Variants in AP3D1 observed in about 807,000 individuals in gnomAD.
The protein encoded by AP3D1 is AP-3 complex subunit delta-1.
In AP3D1, 51 loss-of-function variants were observed where a neutral mutation model predicts 147.6. The ratio of observed to expected loss-of-function variants is 0.35; its 90% confidence interval spans 0.28 to 0.44. The LOEUF (loss-of-function observed/expected upper bound fraction) is 0.44, where lower values mean the gene tolerates loss of function less well. Among genes scored for constraint, AP3D1 ranks in the 20% least tolerant of loss-of-function variants. The pLI is 1.00. For synonymous variants in AP3D1, 760 were observed against 663.0 expected, an observed-to-expected ratio of 1.15 and a Z score of -2.25; for missense variants, 1,421 against 1,624.2, an observed-to-expected ratio of 0.87 and a Z score of 2.15.
intron 1 of AP3D1, among the ~76,000 whole-genome samples, chr19:2,144,098 A>AC (rs1202410348): frequency 6.6e-6 from 1 of 152,048 alleles, no homozygotes; most frequent in Non-Finnish European, 1.5e-5. Context: ...AAAAAAAAAA[A>AC]AAAGAATTCC....
intron 14 of AP3D1, among the ~76,000 whole-genome samples, chr19:2,119,686 C>A (rs1281586359): frequency 1.2e-5 from 1 of 85,238 alleles, no homozygotes; most frequent in Non-Finnish European, 2.1e-5. Context: ...ACAGATAGAG[C>A]AAGACTCTGT....
intron 29 of AP3D1, 122 bp downstream of exon 29, chr19:2,109,751 C>T (rs2018213191): frequency 2.6e-5 from 24 of 937,104 alleles, no homozygotes; most frequent in Non-Finnish European, 3.7e-5. Context: ...CACGAGCCAG[C>T]GCCTCCAAAT....
chr19:2,110,801 C>A lies in AP3D1; in HGVS notation c.3081G>T (p.Glu1027Asp). The A allele has an allele frequency of 6.2e-7, 1 of 1,613,596 alleles. No homozygotes were observed. Among genetic ancestry groups the A allele is most frequent in the Non-Finnish European group, 8.5e-7 (1 of 1,180,006 alleles). The change falls in exon 27 of 32, where the codon GAG becomes GAT. Residue 1027 changes from glutamate (E) to aspartate (D), a missense_variant. By Grantham distance (45) the Glu-to-Asp change is conservative. Around this residue, in one of 6 missense-constraint regions of AP3D1, gnomAD observed 791 missense variants for 761.4 expected, o/e 1.04. Coordinates refer to ENST00000643116, the MANE Select transcript of AP3D1 (RefSeq NM_001261826.3). ...NRSSSILKGM[E>D]LSVLDSLNAR... Reference sequence around the variant, plus strand: ...CATTGAGTGAGTCCAGCACGCTGAGCTCCATGCCCTTGAGGATGCTGCTGC... The same window carrying A: ...CATTGAGTGAGTCCAGCACGCTGAGATCCATGCCCTTGAGGATGCTGCTGC...
chr19:2,133,052 G>C lies in AP3D1; in HGVS notation c.355-474C>G, dbSNP rs370110138. On this transcript the variant is annotated intron_variant, in intron 4 of 31. Transcript: ENST00000643116. ...AAGGGCCACCCCGGGTGCAAGAGCA[G>C]AGCGTTCCAGGCCTAAAACCAGGGC... Among the ~76,000 whole-genome samples, 58 of 152,304 alleles carry C rather than the reference G, an allele frequency of 3.8e-4. No individual in the cohort carries two copies. In the East Asian group the frequency reaches 0.01, roughly 26 times the overall value.
chr19:2,138,180 C>T (rs181667497), intron 2 of AP3D1, among the ~76,000 whole-genome samples: 40 of 152,328 alleles, frequency 2.6e-4, no homozygotes, highest in Admixed American at 7.2e-4. Flanking sequence ...CGTCCTCCCA[C>T]GGGGAAACGG....
upstream of AP3D1, among the ~76,000 whole-genome samples, chr19:2,155,380 A>G (rs552565006): frequency 1.3e-5 from 2 of 150,140 alleles, no homozygotes; most frequent in East Asian, 3.9e-4. Flanking sequence ...ACCAAAAAAA[A>G]CAAAAAATTA....
At position 2,149,964 on chromosome 19, in the gene AP3D1, A is replaced by C. The variant is rs572259298; in HGVS notation, c.96+1275T>G. ...GTTACACGTTGTAACCAAAGCAGTT[A>C]GGGAGAGCTTCTGAGATGAAGAAAA... On this transcript the variant is annotated intron_variant, in intron 1 of 31. Transcript: ENST00000643116. Among the ~76,000 whole-genome samples the C allele has an allele frequency of 1.2e-4, 18 of 152,372 alleles. No homozygotes were observed. The East Asian group carries it at 2.7e-3, about 23-fold the overall frequency.
chr19:2,141,286 C>T (rs1380664088), intron 1 of AP3D1, among the ~76,000 whole-genome samples: 1 of 152,080 alleles, frequency 6.6e-6, no homozygotes, highest in Non-Finnish European at 1.5e-5. Context: ...AAGTGAGATA[C>T]TAAAACAATG....
At chr19:2,108,919 G>A (rs1173785710) in intron 30 of AP3D1, 153 bp from the exon 31 acceptor site, 8 of 1,311,994 alleles carry the variant, frequency 6.1e-6, no homozygotes, top group Middle Eastern at 2.5e-4. Context: ...GGGGTGTGGG[G>A]AATGCAGCCC....
At chr19:2,123,300 C>G in intron 11 of AP3D1, 58 bp downstream of exon 11, 2 of 1,556,376 alleles carry the variant, frequency 1.3e-6, no homozygotes, top group South Asian at 2.3e-5. Flanking sequence ...TAGGAGGACC[C>G]CTAACTTCAC....
At position 2,112,837 on chromosome 19, in the gene AP3D1, C is replaced by T. The variant is rs1171372275; in HGVS notation, c.2787+23G>A. 1.9e-6 allele frequency: 3 copies of T among 1,590,448 alleles called. No homozygotes were observed. In the African/African-American group the frequency reaches 4.0e-5, roughly 21 times the overall value. On this transcript the variant is annotated intron_variant, in intron 24 of 31. Transcript: ENST00000643116. ...TGGGGCTCATGCAGCCCTCCACAGC[C>T]CCTGGGGGAGTGACAGCCTCACCTT...
In AP3D1 at chr19:2,115,578, G is replaced by A. The variant is rs34286317; in HGVS notation, c.2109C>T (p.Pro703=). 2,311 of 1,613,198 alleles carry A rather than the reference G, an allele frequency of 1.4e-3. 25 individuals carry two copies. The African/African-American group carries it at 0.027, about 19-fold the overall frequency. ...YQDTPGVEHI[P]VVQIDLSVPL... ...GGACGGAGAGGTCAATCTGCACCACGGGAATGTGCTCCACGCCCGGGGTGT... is the reference window on the plus strand; with the variant it reads ...GGACGGAGAGGTCAATCTGCACCACAGGAATGTGCTCCACGCCCGGGGTGT... The change falls in exon 19 of 32, where the codon CCC becomes CCT. Residue 703 remains proline (P), a synonymous_variant. Transcript: ENST00000643116.
At chr19:2,140,345 T>G (rs2019186956) in intron 1 of AP3D1, among the ~76,000 whole-genome samples, 1 of 152,014 alleles carries the variant, frequency 6.6e-6, no homozygotes, top group Non-Finnish European at 1.5e-5. Flanking sequence ...AAAACAGGTG[T>G]CCAAACAAAA....
At position 2,163,850 on chromosome 19, in the gene AP3D1, G is replaced by T. The variant is rs532156912; in HGVS notation, c.-103+506C>A. 3.8e-3 allele frequency among the ~76,000 whole-genome samples: 569 copies of T among 150,414 alleles called. 3 individuals carry two copies. The highest frequency in any genetic ancestry group is 0.013 in the African/African-American group (534 of 41,364). On this transcript the variant is annotated intron_variant, in intron 1 of 14. Coordinates refer to the AP3D1 transcript ENST00000643010. ...GGGGGTGGCGCGCGCGGGTCGGCCC[G>T]CTGGGCGGCGGGCACGCGCCGGCGT...
At chr19:2,111,610 G>A (rs2018279041) in intron 25 of AP3D1, 69 bp downstream of exon 25, 3 of 1,502,100 alleles carry the variant, frequency 2.0e-6, no homozygotes, top group Admixed American at 2.0e-5. Context: ...GGAGGCTGCA[G>A]GAGTGGGGAG....
At chr19:2,140,753 GTCTTTTTT>G (rs1161808810) in intron 1 of AP3D1, among the ~76,000 whole-genome samples, 1 of 125,284 alleles carries the variant, frequency 8.0e-6, no homozygotes, top group East Asian at 2.5e-4. Flanking sequence ...TCACACAAAC[GTCTTTTTT>G]TTTTTTTTTT....
chr19:2,127,585 C>T (rs556656224), intron 8 of AP3D1, among the ~76,000 whole-genome samples: 40 of 152,350 alleles, frequency 2.6e-4, no homozygotes, highest in Admixed American at 7.2e-4. Context: ...AGTGCAATGG[C>T]GCGGCCTCGG....
chr19:2,151,844 T>C (rs969888979), upstream of AP3D1, among the ~76,000 whole-genome samples: 4 of 152,334 alleles, frequency 2.6e-5, no homozygotes, highest in East Asian at 5.8e-4. Context: ...GTCCTGACCC[T>C]CCCACCAGCT....
intron 8 of AP3D1, among the ~76,000 whole-genome samples, chr19:2,128,594 G>GCGCATGGC (rs2018837129): frequency 1.6e-4 from 3 of 18,398 alleles, no homozygotes; most frequent in Non-Finnish European, 4.0e-4. Flanking sequence ...CGCCCCCGCC[G>GCGCATGGC]CTCCGACACT....
Sources: gnomAD v4.1 joint callset for allele counts (sites outside exome capture counted in the v4.1 genomes callset) on GRCh38, gnomAD v4.1.1 for gene constraint, gnomAD v4.1.1 regional missense constraint, MANE v1.5 for transcripts, NCBI Gene and HGNC (gene_info 2026-07-23, HGNC 2026-07-21) for gene names.